Variants in LRBA observed in about 807,000 individuals in gnomAD.
LRBA encodes the protein lipopolysaccharide-responsive and beige-like anchor protein.
In LRBA, 176 loss-of-function variants were observed where a neutral mutation model predicts 330.0. The ratio of observed to expected loss-of-function variants is 0.53; its 90% CI spans 0.47 to 0.60. The LOEUF is 0.60. LRBA is among the 20% of genes least tolerant of loss of function. The pLI is 0.00. For synonymous variants in LRBA, 1,230 were observed against 1,193.0 expected (o/e 1.03, Z -0.64); for missense variants, 3,259 against 3,444.8 (o/e 0.95, Z 1.35).
intron 46 of LRBA, among the ~76,000 whole-genome samples, chr4:150,427,785 A>T (rs1173358895): frequency 1.3e-5 from 2 of 152,072 alleles, no homozygotes; most frequent in African/African-American, 2.4e-5. Context: ...TAAGTTTTTT[A>T]AAAAATAAAT....
At chr4:150,584,048 A>G in intron 40 of LRBA, 1 of 1,603,996 alleles carries the variant, frequency 6.2e-7, no homozygotes, top group Non-Finnish European at 8.5e-7. Flanking sequence ...AGCGCTGCCA[A>G]GCAGACCTGG....
At chr4:150,496,057 T>C (rs1288903603) in intron 40 of LRBA, among the ~76,000 whole-genome samples, 2 of 152,158 alleles carry the variant, frequency 1.3e-5, no homozygotes, top group Non-Finnish European at 2.9e-5. Context: ...ACATAGATTA[T>C]ATACACACAT....
chr4:150,977,812 T>C (rs1438374113), intron 2 of LRBA, among the ~76,000 whole-genome samples: 1 of 152,234 alleles, frequency 6.6e-6, no homozygotes, highest in African/African-American at 2.4e-5. Flanking sequence ...GATGCTCCTC[T>C]ACCTATGTAA....
At chr4:150,431,500 C>A (rs1028717214) in intron 46 of LRBA, among the ~76,000 whole-genome samples, 2 of 152,140 alleles carry the variant, frequency 1.3e-5, no homozygotes, top group African/African-American at 4.8e-5. Flanking sequence ...CTAGTCTCAA[C>A]ACAGATGTGC....
intron 22 of LRBA, among the ~76,000 whole-genome samples, chr4:150,856,806 T>G (rs1425509916): frequency 2.6e-5 from 4 of 152,204 alleles, no homozygotes; most frequent in African/African-American, 4.8e-5. Context: ...CACAATCATT[T>G]GATAGCTAAT....
chr4:150,660,591 G>A (rs1306767621), intron 37 of LRBA, among the ~76,000 whole-genome samples: 2 of 147,346 alleles, frequency 1.4e-5, no homozygotes, highest in Non-Finnish European at 1.5e-5. Context: ...ATTGAGAACG[G>A]GCCAGGATGA....
At chr4:150,318,448 A>T (rs1420122897) in intron 50 of LRBA, among the ~76,000 whole-genome samples, 1 of 152,170 alleles carries the variant, frequency 6.6e-6, no homozygotes, top group African/African-American at 2.4e-5. Flanking sequence ...ACCTAAAATT[A>T]AAAAAATAAA....
chr4:150,717,132 C>A (rs993610427), intron 36 of LRBA, among the ~76,000 whole-genome samples: 11 of 152,146 alleles, frequency 7.2e-5, no homozygotes, highest in African/African-American at 2.7e-4. Context: ...TGACCTAAAA[C>A]AAACCACTGA....
intron 44 of LRBA, among the ~76,000 whole-genome samples, chr4:150,438,220 C>T (rs1751376330): frequency 6.6e-6 from 1 of 152,168 alleles, no homozygotes; most frequent in Admixed American, 6.5e-5. Context: ...CAGTGGTTCA[C>T]ACCTATAATC....
At chr4:150,828,922 G>GTGGGTGTGTGTGTGTGTGTGTGT (rs1560878315) in intron 29 of LRBA, among the ~76,000 whole-genome samples, 1 of 106,176 alleles carries the variant, frequency 9.4e-6, no homozygotes, top group African/African-American at 4.5e-5. Context: ...CTTTTTTGGG[G>GTGGGTGTGTGTGTGTGTGTGTGT]GTGTGTGTGT....
chr4:150,671,039 T>A (rs867503632), intron 37 of LRBA, among the ~76,000 whole-genome samples: 37 of 146,892 alleles, frequency 2.5e-4, no homozygotes, highest in African/African-American at 7.7e-4. Context: ...TGTGTGTGTG[T>A]GTGAGAGAGA....
rs149787471 is a variant in LRBA at position 150,352,177 on chromosome 4, A to G, written c.7195-2018T>C. Among the ~76,000 whole-genome samples the G allele has an allele frequency of 1.7e-3, 265 of 152,330 alleles. 2 individuals are homozygous for G. Among genetic ancestry groups the G allele is most frequent in the Non-Finnish European group, 3.0e-3 (205 of 68,016 alleles). ...TTTCAGTATGGCTTGCTGCTATGTT[A>G]TAAGAGATCTGTTGGTTTTAAAACA... On this transcript the variant is annotated intron_variant, in intron 47 of 56. Transcript: ENST00000651943.
At chr4:150,821,103 A>G (rs912816543) in intron 30 of LRBA, among the ~76,000 whole-genome samples, 1 of 152,104 alleles carries the variant, frequency 6.6e-6, no homozygotes, top group African/African-American at 2.4e-5. Context: ...AAACAAATTG[A>G]AATCTTTTTT....
At chr4:150,872,516 T>C (rs961877014) in intron 18 of LRBA, 147 bp downstream of exon 18, 3 of 464,262 alleles carry the variant, frequency 6.5e-6, no homozygotes, top group Admixed American at 7.9e-5. Context: ...TTTTAAAATA[T>C]GTACTAGTGG....
chr4:150,562,137 G>C (rs1021169644), intron 40 of LRBA, among the ~76,000 whole-genome samples: 7 of 151,964 alleles, frequency 4.6e-5, no homozygotes, highest in Admixed American at 4.6e-4. Context: ...TGAGCTTCTT[G>C]GCTCTAGCAG....
chr4:150,410,019 T>C (rs974668548), intron 47 of LRBA, among the ~76,000 whole-genome samples: 1 of 152,070 alleles, frequency 6.6e-6, no homozygotes, highest in African/African-American at 2.4e-5. Flanking sequence ...TCATTATCAA[T>C]ATGGGAAATG....
chr4:150,667,683 C>A (rs1314224096), intron 37 of LRBA, among the ~76,000 whole-genome samples: 7 of 152,084 alleles, frequency 4.6e-5, no homozygotes, highest in Admixed American at 6.6e-5. Context: ...AGAAAAGAGG[C>A]CCCAGAGAAC....
At chr4:150,707,310 A>G (rs1449144431) in intron 36 of LRBA, among the ~76,000 whole-genome samples, 2 of 151,746 alleles carry the variant, frequency 1.3e-5, no homozygotes, top group Non-Finnish European at 3.0e-5. Flanking sequence ...AGTTTCAGAT[A>G]AGGTAGACAT....
intron 34 of LRBA, among the ~76,000 whole-genome samples, chr4:150,772,676 T>C (rs537752505): frequency 2.6e-5 from 4 of 152,288 alleles, no homozygotes; most frequent in Non-Finnish European, 4.4e-5. Flanking sequence ...CAAAATCCTA[T>C]GGGTTTGCAT....
Sources: gnomAD v4.1 joint callset for allele counts (sites outside exome capture counted in the v4.1 genomes callset) on GRCh38, gnomAD v4.1.1 for gene constraint, MANE v1.5 for transcripts, NCBI Gene and HGNC (gene_info 2026-07-23, HGNC 2026-07-21) for gene names.